The following SLC15A1 variants were observed in gnomAD, a reference collection of about 807,000 sequenced individuals.
The protein encoded by SLC15A1 is Caco-2 oligopeptide transporter.
In SLC15A1, 83 loss-of-function variants were observed where a neutral mutation model predicts 92.9. That is an observed-to-expected ratio of 0.89 (90% CI 0.75 to 1.07). SLC15A1 has a LOEUF of 1.07. Among genes scored for constraint, SLC15A1 ranks in the 50% least tolerant of loss-of-function variants. SLC15A1 has a pLI of 0.00. For synonymous variants in SLC15A1, 322 were observed against 318.2 expected (o/e 1.01, Z -0.13); for missense variants, 857 against 880.1 (o/e 0.97, Z 0.33).
At chr13:98,730,807 G>A (rs1199678864) in intron 1 of SLC15A1, among the ~76,000 whole-genome samples, 4 of 152,206 alleles carry the variant, frequency 2.6e-5, no homozygotes, top group Non-Finnish European at 5.9e-5. Flanking sequence ...AGCTCTGCAT[G>A]GTGGGTCCCG....
rs2088112108 is a variant in SLC15A1, at chr13:98,706,242, T to C, written c.1161A>G (p.Pro387=). The stretch of plus-strand genomic sequence containing the variant: ...GGACTTCGTTTCCTTTGGGGAAGAC[T>C]GGAAGAGTTTTCTGAGCAAAATAAA... ...IVQVEIDKTL[P]VFPKGNEVQI... Residue 387 remains proline (P), a synonymous_variant, in exon 16 of 23, where the codon CCA becomes CCG. Coordinates refer to ENST00000376503, the MANE Select transcript of SLC15A1 (RefSeq NM_005073.4). 1 of 1,612,268 alleles carries C rather than the reference T, an allele frequency of 6.2e-7. No individual in the cohort carries two copies. Among genetic ancestry groups the C allele is most frequent in the East Asian group, 2.2e-5 (1 of 44,854 alleles).
At chr13:98,703,101 T>C (rs1390217252) in intron 17 of SLC15A1, among the ~76,000 whole-genome samples, 1 of 136,584 alleles carries the variant, frequency 7.3e-6, no homozygotes, top group African/African-American at 2.8e-5. Context: ...CCAGGCAGCA[T>C]AGTGAGATCC....
chr13:98,693,601 T>C (rs1233526780), intron 18 of SLC15A1, among the ~76,000 whole-genome samples: 1 of 152,248 alleles, frequency 6.6e-6, no homozygotes, highest in Non-Finnish European at 1.5e-5. Context: ...GAGTTCTTTA[T>C]GTATTCTGGA....
intron 8 of SLC15A1, among the ~76,000 whole-genome samples, chr13:98,716,832 T>C (rs191621190): frequency 6.6e-6 from 1 of 152,266 alleles, no homozygotes; most frequent in East Asian, 1.9e-4. Context: ...ACCTTTTCAA[T>C]GAGGTCATTC....
In SLC15A1 at chr13:98,715,027, C is replaced by T. The variant is rs557464535; in HGVS notation, c.723+851G>A. Among the ~76,000 whole-genome samples, 82 of 152,274 alleles carry T rather than the reference C, an allele frequency of 5.4e-4. 1 individual carries two copies. The South Asian group carries it at 0.01, about 19-fold the overall frequency. ...TATTCCTTAAAAACAAGACTGCTCC[C>T]GGCTGCATGCTATGCCAGAGATGAA... On this transcript the variant is annotated intron_variant, in intron 9 of 22. Coordinates refer to ENST00000376503, the MANE Select transcript of SLC15A1 (RefSeq NM_005073.4).
chr13:98,713,903 T>A (rs182219354), intron 9 of SLC15A1, among the ~76,000 whole-genome samples: 21 of 151,872 alleles, frequency 1.4e-4, no homozygotes, highest in Non-Finnish European at 2.6e-4. Flanking sequence ...AAAAATTAGC[T>A]GGGCGTGGTA....
At position 98,707,888 on chromosome 13, in the gene SLC15A1, G is replaced by GT. The variant is rs386380386; in HGVS notation, c.1149+797dup. 3.3e-3 allele frequency among the ~76,000 whole-genome samples: 249 copies of GT among 75,378 alleles called. 12 individuals are homozygous for GT. Among genetic ancestry groups the GT allele is most frequent in the African/African-American group, 0.013 (100 of 7,896 alleles). The allele number at this position is 75,378 out of a possible 152,430, so 49.5% of individuals were successfully genotyped here. A position where few individuals can be genotyped will look rare whatever the true frequency, so the allele number is the denominator to read the frequency against. On this transcript the variant is annotated intron_variant, in intron 15 of 22. Transcript: ENST00000376503. ...AGCCTAGGCGACAGAGTGAGACCCTGTTTAAAAAAAAAAAAAAAAAAAAAA... is the reference window on the plus strand; with the variant it reads ...AGCCTAGGCGACAGAGTGAGACCCTGTTTTAAAAAAAAAAAAAAAAAAAAAA...
chr13:98,716,006 C>T (rs760018823), intron 8 of SLC15A1, 46 bp from the exon 9 acceptor site: 22 of 1,511,080 alleles, frequency 1.5e-5, no homozygotes, highest in South Asian at 3.4e-5. Context: ...TGTGACCGAG[C>T]GCCCTGTGGC....
chr13:98,696,260 G>C (rs1315172705), intron 18 of SLC15A1, among the ~76,000 whole-genome samples: 1 of 151,712 alleles, frequency 6.6e-6, no homozygotes, highest in Middle Eastern at 3.4e-3. Context: ...CTAAAAATAT[G>C]AAAATTAGCT....
rs545541870 is a variant in SLC15A1, at chr13:98,709,673, T to C, written c.979-13A>G. 3 of 1,614,058 alleles carry C rather than the reference T, an allele frequency of 1.9e-6. No individual in the cohort carries two copies. In the African/African-American group the frequency reaches 4.0e-5, roughly 22 times the overall value. ...TGGCGTTCACGGTCTGCAGAGGAAGTGGAGGAGAAATGTTAAGCTTGTCTC... is the reference window on the plus strand; with the variant it reads ...TGGCGTTCACGGTCTGCAGAGGAAGCGGAGGAGAAATGTTAAGCTTGTCTC... On this transcript the variant is annotated splice_polypyrimidine_tract_variant and intron_variant, in intron 13 of 22. Transcript: ENST00000376503.
At chr13:98,716,894 C>A (rs566067302) in intron 8 of SLC15A1, among the ~76,000 whole-genome samples, 94 of 152,130 alleles carry the variant, frequency 6.2e-4, no homozygotes, top group African/African-American at 2.1e-3. Context: ...TAGAAAAAAA[C>A]CATTCTAGGG....
chr13:98,706,298 C>T lies in SLC15A1; in HGVS notation c.1150-45G>A, dbSNP rs973442944. On this transcript the variant is annotated intron_variant, in intron 15 of 22. Transcript: ENST00000376503. ...ATTGGCAGTGAGGTCTTCAATACAA[C>T]ATGGAAAGTCATCTTAACCCTGACA... The T allele has an allele frequency of 6.3e-6, 10 of 1,598,432 alleles. No individual in the cohort carries two copies. The African/African-American group carries it at 8.1e-5, about 13-fold the overall frequency.
intron 8 of SLC15A1, 152 bp downstream of exon 8, chr13:98,719,085 A>G (rs1281810309): frequency 3.4e-6 from 2 of 594,034 alleles, no homozygotes; most frequent in Non-Finnish European, 6.0e-6. Context: ...ACTTTCTTTG[A>G]ATACTTAGAG....
chr13:98,687,819 A>G (rs1770743252), intron 20 of SLC15A1, 95 bp from the exon 21 acceptor site: 1 of 1,416,832 alleles, frequency 7.1e-7, no homozygotes, highest in Non-Finnish European at 9.7e-7. Flanking sequence ...CTAGGATTAC[A>G]TCATATGATT....
At chr13:98,748,963 A>G (rs552350891) in intron 1 of SLC15A1, among the ~76,000 whole-genome samples, 80 of 152,342 alleles carry the variant, frequency 5.3e-4, no homozygotes, top group African/African-American at 1.8e-3. Context: ...AGCCTGATGC[A>G]TGTTCAAGTT....
intron 18 of SLC15A1, among the ~76,000 whole-genome samples, chr13:98,701,603 T>C (rs1222445100): frequency 6.6e-6 from 1 of 151,494 alleles, no homozygotes; most frequent in Non-Finnish European, 1.5e-5. Flanking sequence ...CAAGCTCAGG[T>C]GATCCTCCCA....
chr13:98,704,323 G>C lies in SLC15A1; in HGVS notation c.1382C>G (p.Thr461Arg), dbSNP rs141206459. The C allele has an allele frequency of 1.9e-6, 3 of 1,613,540 alleles. No homozygotes were observed. Among genetic ancestry groups the C allele is most frequent in the South Asian group, 2.2e-5 (2 of 90,998 alleles). The change falls in exon 17 of 23, where the codon ACG (threonine) becomes AGG (arginine). Residue 461 changes from threonine (T) to arginine (R), a missense_variant. Coordinates refer to ENST00000376503, the MANE Select transcript of SLC15A1 (RefSeq NM_005073.4). Reference protein sequence around the residue: ...TDDFKQGQRHTLLVWAPNHYQ... With the variant: ...TDDFKQGQRHRLLVWAPNHYQ... Reference sequence around the variant, plus strand: ...GTGATTGGGGGCCCACACTAGAAGCGTGTGGCGTTGGCCCTGCTTGAAGTC... The same window carrying C: ...GTGATTGGGGGCCCACACTAGAAGCCTGTGGCGTTGGCCCTGCTTGAAGTC...
intron 16 of SLC15A1, among the ~76,000 whole-genome samples, chr13:98,704,890 G>T (rs1305183326): frequency 2.0e-5 from 3 of 152,042 alleles, no homozygotes; most frequent in Non-Finnish European, 2.9e-5. Flanking sequence ...AACGAGACTG[G>T]CTAAATCTCA....
chr13:98,737,320 A>G (rs2088402652), intron 1 of SLC15A1, among the ~76,000 whole-genome samples: 1 of 152,194 alleles, frequency 6.6e-6, no homozygotes, highest in Non-Finnish European at 1.5e-5. Context: ...AGGGTGGGGA[A>G]CATCACACAC....
Sources: allele counts gnomAD v4.1 joint callset (sites outside exome capture counted in the v4.1 genomes callset), GRCh38; gene constraint gnomAD v4.1.1; transcripts MANE v1.5; gene names NCBI Gene and HGNC (gene_info 2026-07-23, HGNC 2026-07-21).